SRSF7: variants seen among roughly 807,000 people sequenced by gnomAD.
SRSF7 encodes the protein serine and arginine rich splicing factor 7.
Under a neutral mutation model 42.2 loss-of-function variants are expected in SRSF7, and 15 were observed. That is an observed-to-expected ratio of 0.36 (90% CI 0.24 to 0.55). SRSF7 has a LOEUF of 0.55. Among genes scored for constraint, SRSF7 ranks in the 20% least tolerant of loss-of-function variants. The pLI, the probability that SRSF7 is intolerant of heterozygous loss-of-function variation, is 0.88. For missense variants in SRSF7, 181 were observed against 305.9 expected (o/e 0.59, Z 3.04); for synonymous variants, 138 against 107.9 (o/e 1.28, Z -1.73).
chr2:38,749,330 G>C, intron 3 of SRSF7, 199 bp downstream of exon 3: 2 of 1,523,580 alleles, frequency 1.3e-6, no homozygotes, highest in East Asian at 2.6e-5. Context: ...CAAGGCGACT[G>C]ACTCAAACGA....
At chr2:38,748,782 G>A in intron 3 of SRSF7, 129 bp from the exon 4 acceptor site, 129 of 1,230,106 alleles carry the variant, frequency 1.0e-4, no homozygotes, top group East Asian at 8.9e-4. Flanking sequence ...TAAACTCTGG[G>A]CCTATTAGTT....
Position 38,748,789 on chromosome 2 carries a change from AGTT to A in SRSF7, c.387-139_387-137del. The stretch of plus-strand genomic sequence containing the variant: ...TTTGGAAATAAACTCTGGGCCTATT[AGTT>A]GTTGAGTATTTTTTTTTTTACTACC... On this transcript the variant is annotated intron_variant, in intron 3 of 7. Coordinates refer to ENST00000313117, the MANE Select transcript of SRSF7 (RefSeq NM_001031684.3). 7.5e-6 allele frequency: 9 copies of A among 1,198,428 alleles called. No homozygotes were observed. In the Admixed American group the frequency reaches 1.4e-4, roughly 18 times the overall value. The allele number at this position is 1,198,428 out of a possible 1,614,324, so 74.2% of individuals were successfully genotyped here.
At chr2:38,750,888 C>T (rs1434230055) in intron 1 of SRSF7, 2 of 356,710 alleles carry the variant, frequency 5.6e-6, no homozygotes, top group Admixed American at 7.6e-5. Flanking sequence ...CACCACGGTC[C>T]TCAATGTGCG....
At chr2:38,748,296 G>A (rs551479530) in intron 4 of SRSF7, 139 bp from the exon 5 acceptor site, 10 of 700,786 alleles carry the variant, frequency 1.4e-5, no homozygotes, top group African/African-American at 3.6e-5. Flanking sequence ...AGGAGCTTGA[G>A]ACCAGCCTGG....
chr2:38,751,259 T>G lies in SRSF7; in HGVS notation c.-3A>C. The stretch of plus-strand genomic sequence containing the variant: ...CCGTACCGCCCGTAACGCGACATGA[T>G]GACAGACCCGCGTGCTCGGCTCTTT... On this transcript the variant is annotated 5_prime_UTR_variant, in exon 1 of 8. Coordinates refer to ENST00000313117, the MANE Select transcript of SRSF7 (RefSeq NM_001031684.3). 5 of 1,614,118 alleles carry G rather than the reference T, an allele frequency of 3.1e-6. No individual in the cohort carries two copies. Among genetic ancestry groups the G allele is most frequent in the Non-Finnish European group, 4.2e-6 (5 of 1,179,990 alleles).
chr2:38,748,706 A>G, intron 3 of SRSF7, 53 bp from the exon 4 acceptor site: 1 of 1,559,618 alleles, frequency 6.4e-7, no homozygotes, highest in East Asian at 2.2e-5. Flanking sequence ...CTCGTTTTTA[A>G]GAGTTTGTGT....
At chr2:38,750,591 G>A (rs1298493267) in intron 1 of SRSF7, among the ~76,000 whole-genome samples, 3 of 151,896 alleles carry the variant, frequency 2.0e-5, no homozygotes, top group South Asian at 4.1e-4. Flanking sequence ...CAGGAGAGCA[G>A]GGCTGCGCCG....
chr2:38,751,402 C>A (rs565862308), upstream of SRSF7: 11 of 1,076,000 alleles, frequency 1.0e-5, no homozygotes, highest in Middle Eastern at 2.0e-4. Flanking sequence ...GCGGCCGCTG[C>A]GCTTTGCGCA....
Position 38,746,177 on chromosome 2 carries a change from C to T in SRSF7, c.629G>A (p.Arg210Gln). ...TGGAGATGGAGATCTGGACTTTGAT[C>T]GGCTGTCAAAACATGAGAAATTCTA... The part of the protein sequence containing the change: ...SRSISRPRSS[R>Q]SKSRSPSPKR... The change falls in exon 7 of 8, where the codon CGA becomes CAA. Residue 210 changes from arginine (R) to glutamine (Q), a missense_variant and splice_region_variant. Arg to Gln is a conservative substitution (Grantham distance 43). This residue lies in a region of SRSF7 where 136 missense variants were observed against 147.8 expected (regional missense o/e 0.92). Transcript: ENST00000313117. 9 of 1,613,868 alleles carry T rather than the reference C, an allele frequency of 5.6e-6. No homozygotes were observed. The highest frequency in any genetic ancestry group is 1.1e-5 in the South Asian group (1 of 91,078).
rs73930958 is a variant in SRSF7 at position 38,749,985 on chromosome 2, G to T, written c.209+29C>A. ...TTATCTAGCCACAGTATATTTTAATGAACAGAAGATTCATAACATCTTACT... is the reference window on the plus strand; with the variant it reads ...TTATCTAGCCACAGTATATTTTAATTAACAGAAGATTCATAACATCTTACT... On this transcript the variant is annotated intron_variant, in intron 2 of 7. Coordinates refer to ENST00000313117, the MANE Select transcript of SRSF7 (RefSeq NM_001031684.3). The T allele has an allele frequency of 2.1e-3, 3,311 of 1,582,842 alleles. 57 individuals carry two copies. The African/African-American group carries it at 0.04, about 19-fold the overall frequency.
At chr2:38,751,149 CA>C in intron 1 of SRSF7, 79 bp downstream of exon 1, 1 of 1,585,810 alleles carries the variant, frequency 6.3e-7, no homozygotes. Flanking sequence ...AACCGTCTCC[CA>C]ACCTCCGCGA....
intron 1 of SRSF7, chr2:38,750,816 G>C (rs1167867440): frequency 9.5e-6 from 2 of 210,482 alleles, no homozygotes; most frequent in Non-Finnish European, 2.0e-5. Flanking sequence ...ACACAACCAC[G>C]ATCTTACAGC....
chr2:38,745,997 A>G (rs975548995), intron 7 of SRSF7, 147 bp downstream of exon 7: 4 of 734,054 alleles, frequency 5.4e-6, no homozygotes, highest in Non-Finnish European at 8.9e-6. Flanking sequence ...ATCAAAAAAA[A>G]AAAGTATTTC....
At chr2:38,746,863 C>G (rs1056562037) in intron 5 of SRSF7, 116 bp from the exon 6 acceptor site, 3 of 1,505,642 alleles carry the variant, frequency 2.0e-6, no homozygotes, top group East Asian at 4.6e-5. Context: ...AAACAAGATG[C>G]AACACTTGCC....
Position 38,744,982 on chromosome 2 carries a change from TATCTTAC to T in SRSF7, c.*144_*150del, listed in dbSNP as rs1667149017. 5 of 707,350 alleles carry T rather than the reference TATCTTAC, an allele frequency of 7.1e-6. No individual in the cohort carries two copies. Among genetic ancestry groups the T allele is most frequent in the Non-Finnish European group, 1.1e-5 (5 of 445,960 alleles). The allele number at this position is 707,350 out of a possible 1,614,324, so 43.8% of individuals were successfully genotyped here. A position where few individuals can be genotyped will look rare whatever the true frequency, so the allele number is the denominator to read the frequency against. ...TTAATACATTCAACAAAATTTATATTATCTTACTGCTGTGAATTTACATAGTAATCCA... is the reference window on the plus strand; with the variant it reads ...TTAATACATTCAACAAAATTTATATTTGCTGTGAATTTACATAGTAATCCA... On this transcript the variant is annotated 3_prime_UTR_variant, in exon 8 of 8. Transcript: ENST00000313117.
At position 38,748,647 on chromosome 2, in the gene SRSF7, C is replaced by A; in HGVS notation, c.393G>T (p.Arg131=). ...CTCTGGATCGAGAATGTGATCTAGA[C>A]CGTGACCTATTTTTCAAGTTAGAGA... ...RYSRRRRSRS[R]SRSHSRSRGR... The change falls in exon 4 of 8, where the codon CGG becomes CGT. Residue 131 remains arginine (R), a synonymous_variant. Transcript: ENST00000313117. The A allele has an allele frequency of 6.2e-7, 1 of 1,614,078 alleles. No individual in the cohort carries two copies.
chr2:38,745,002 A>T lies in SRSF7; in HGVS notation c.*131T>A. 27 of 856,202 alleles carry T rather than the reference A, an allele frequency of 3.2e-5. No homozygotes were observed. The highest frequency in any genetic ancestry group is 4.7e-5 in the Non-Finnish European group (26 of 555,530). 53.0% of individuals were successfully genotyped at this position (856,202 alleles called of 1,614,324 possible). ...TATATTATCTTACTGCTGTGAATTT[A>T]CATAGTAATCCAGATCCATTTTGAT... On this transcript the variant is annotated 3_prime_UTR_variant, in exon 8 of 8. Coordinates refer to ENST00000313117, the MANE Select transcript of SRSF7 (RefSeq NM_001031684.3).
At chr2:38,745,976 A>T (rs1667334455) in intron 7 of SRSF7, among the ~76,000 whole-genome samples, 168 bp downstream of exon 7, 1 of 152,174 alleles carries the variant, frequency 6.6e-6, no homozygotes, top group Non-Finnish European at 1.5e-5. Context: ...AGTATAAACT[A>T]ATGTTACTGA....
Position 38,746,114 on chromosome 2 carries a change from C to T in SRSF7, c.662+30G>A, listed in dbSNP as rs1667367388. 3.1e-6 allele frequency: 5 copies of T among 1,613,694 alleles called. 1 individual carries two copies. Among genetic ancestry groups the T allele is most frequent in the South Asian group, 2.2e-5 (2 of 91,076 alleles). ...TTCTGCAGAGGCCACACTTGACAGG[C>T]AAGATTTGGCAACAAAACATTTAGC... On this transcript the variant is annotated intron_variant, in intron 7 of 7. Coordinates refer to ENST00000313117, the MANE Select transcript of SRSF7 (RefSeq NM_001031684.3).
Sources: allele counts gnomAD v4.1 joint callset (sites outside exome capture counted in the v4.1 genomes callset), GRCh38; gene constraint gnomAD v4.1.1; regional missense constraint gnomAD v4.1.1; transcripts MANE v1.5; gene names NCBI Gene and HGNC (gene_info 2026-07-23, HGNC 2026-07-21).